The following FBXL17 variants were observed in gnomAD, a reference collection of about 807,000 sequenced individuals.
The protein encoded by FBXL17 is F-box/LRR-repeat protein 17.
Under a neutral mutation model 66.2 loss-of-function variants are expected in FBXL17, and 22 were observed. The observed-to-expected ratio is 0.33, with a 90% CI of 0.24 to 0.47. FBXL17 has a LOEUF of 0.47. FBXL17 is among the 20% of genes least tolerant of loss of function. The pLI, the probability that FBXL17 is intolerant of heterozygous loss-of-function variation, is 1.00. For missense variants in FBXL17, 878 were observed against 948.2 expected (o/e 0.93, Z 0.97); for synonymous variants, 474 against 400.5 (o/e 1.18, Z -2.19).
At chr5:108,159,347 C>T (rs1004227712) in intron 6 of FBXL17, among the ~76,000 whole-genome samples, 2 of 152,170 alleles carry the variant, frequency 1.3e-5, no homozygotes, top group Admixed American at 6.5e-5. Context: ...TGTGATACAA[C>T]CTGCATAGCA....
chr5:108,108,027 C>T (rs940415786), intron 6 of FBXL17, among the ~76,000 whole-genome samples: 3 of 152,050 alleles, frequency 2.0e-5, no homozygotes, highest in African/African-American at 7.2e-5. Flanking sequence ...ATACTGCCCT[C>T]CGTTTTGTTT....
In FBXL17 at chr5:108,216,833, G is replaced by C. The variant is rs146429477; in HGVS notation, c.1614+7288C>G. ...TATACCTAGAGACATGCCCACGGCT[G>C]CACAGATAGAAAAACCTCCAGCCCA... On this transcript the variant is annotated intron_variant, in intron 5 of 8. Transcript: ENST00000542267. Among the ~76,000 whole-genome samples, 170 of 152,218 alleles carry C rather than the reference G, an allele frequency of 1.1e-3. 5 individuals carry two copies. The East Asian group carries it at 0.027, about 24-fold the overall frequency.
intron 6 of FBXL17, among the ~76,000 whole-genome samples, chr5:108,105,546 A>G (rs1347550798): frequency 6.6e-6 from 1 of 152,244 alleles, no homozygotes; most frequent in Non-Finnish European, 1.5e-5. Flanking sequence ...TACATACTCA[A>G]GTTATAAGAA....
At chr5:107,867,931 T>C (rs1173723560) in intron 8 of FBXL17, among the ~76,000 whole-genome samples, 1 of 152,240 alleles carries the variant, frequency 6.6e-6, no homozygotes, top group Non-Finnish European at 1.5e-5. Flanking sequence ...CAAACGCTTC[T>C]CTTCAGCATG....
chr5:108,035,584 C>T (rs1483377693), intron 6 of FBXL17, among the ~76,000 whole-genome samples: 3 of 152,096 alleles, frequency 2.0e-5, no homozygotes, highest in Admixed American at 6.6e-5. Flanking sequence ...TCAGGCTGGT[C>T]TCAAACTCCC....
intron 6 of FBXL17, among the ~76,000 whole-genome samples, chr5:108,165,058 A>G (rs1752364060): frequency 6.6e-6 from 1 of 152,234 alleles, no homozygotes; most frequent in Non-Finnish European, 1.5e-5. Flanking sequence ...GAGACAACAA[A>G]AAGTATACAA....
intron 5 of FBXL17, among the ~76,000 whole-genome samples, chr5:108,197,954 A>G (rs1187352323): frequency 1.3e-5 from 2 of 152,168 alleles, no homozygotes; most frequent in Non-Finnish European, 2.9e-5. Context: ...CAGTTTTTCT[A>G]TCCCGTGATC....
intron 4 of FBXL17, among the ~76,000 whole-genome samples, chr5:108,273,744 C>T (rs111348299): frequency 9.9e-5 from 15 of 152,084 alleles, no homozygotes; most frequent in African/African-American, 3.6e-4. Flanking sequence ...GCAGAAAGGA[C>T]ATTTGAAAAA....
intron 7 of FBXL17, among the ~76,000 whole-genome samples, chr5:107,956,660 A>G (rs1202986915): frequency 6.6e-6 from 1 of 152,186 alleles, no homozygotes; most frequent in Non-Finnish European, 1.5e-5. Flanking sequence ...AATTAGTTCA[A>G]TCCCCACAGT....
At chr5:108,372,610 T>C (rs1451296989) in intron 1 of FBXL17, among the ~76,000 whole-genome samples, 1 of 152,050 alleles carries the variant, frequency 6.6e-6, no homozygotes, top group Non-Finnish European at 1.5e-5. Context: ...CAGAAGGCAG[T>C]GGGATAACAT....
intron 7 of FBXL17, among the ~76,000 whole-genome samples, chr5:107,911,898 G>A (rs779009041): frequency 1.3e-5 from 2 of 151,870 alleles, no homozygotes; most frequent in African/African-American, 4.8e-5. Context: ...AAATAAAACC[G>A]GCCAATAAAT....
intron 6 of FBXL17, among the ~76,000 whole-genome samples, chr5:108,029,550 C>T (rs1754954761): frequency 6.6e-6 from 1 of 152,042 alleles, no homozygotes; most frequent in Admixed American, 6.6e-5. Context: ...TTTGCTGTAA[C>T]ATTTGTAAGA....
rs183995707 is a variant in FBXL17 at position 108,204,989 on chromosome 5, C to T, written c.1615-18742G>A. 1.1e-4 allele frequency among the ~76,000 whole-genome samples: 16 copies of T among 152,088 alleles called. 1 individual carries two copies. The East Asian group carries it at 2.7e-3, about 26-fold the overall frequency. On this transcript the variant is annotated intron_variant, in intron 5 of 8. Coordinates refer to ENST00000542267, the MANE Select transcript of FBXL17 (RefSeq NM_001163315.3). ...ACAGTGGTGTGATCGAAACTTACTG[C>T]AGACTCTAACTCTTGGGCTCAAAAG...
intron 4 of FBXL17, among the ~76,000 whole-genome samples, chr5:108,259,750 T>C (rs1190529028): frequency 6.6e-6 from 1 of 152,058 alleles, no homozygotes; most frequent in Non-Finnish European, 1.5e-5. Context: ...CACATAAGGA[T>C]AGAGAGGGTA....
chr5:107,932,443 A>C (rs879312705), intron 7 of FBXL17, among the ~76,000 whole-genome samples: 3 of 152,192 alleles, frequency 2.0e-5, no homozygotes, highest in Non-Finnish European at 4.4e-5. Context: ...AGGTAGAATT[A>C]CTGTAAAGAA....
intron 4 of FBXL17, among the ~76,000 whole-genome samples, chr5:108,305,483 A>AG (rs1237408812): frequency 1.3e-5 from 2 of 151,982 alleles, no homozygotes; most frequent in Middle Eastern, 3.4e-3. Flanking sequence ...GAAAAGTTGA[A>AG]GGGGGAAAAA....
At chr5:108,235,419 G>A (rs534058187) in intron 4 of FBXL17, among the ~76,000 whole-genome samples, 1 of 152,240 alleles carries the variant, frequency 6.6e-6, no homozygotes, top group South Asian at 2.1e-4. Context: ...ATACATTGTG[G>A]TTATCTCTTT....
intron 7 of FBXL17, among the ~76,000 whole-genome samples, chr5:108,010,445 G>A (rs1368614113): frequency 2.6e-5 from 4 of 152,184 alleles, no homozygotes; most frequent in Non-Finnish European, 5.9e-5. Flanking sequence ...GAATGAGGAT[G>A]CTTTAAAACC....
intron 6 of FBXL17, among the ~76,000 whole-genome samples, chr5:108,087,998 G>A (rs1031912294): frequency 7.2e-5 from 11 of 151,988 alleles, no homozygotes; most frequent in East Asian, 1.9e-4. Flanking sequence ...ATTATTGCCC[G>A]TTTTTATTAA....
Sources: gnomAD v4.1 joint callset for allele counts (sites outside exome capture counted in the v4.1 genomes callset) on GRCh38, gnomAD v4.1.1 for gene constraint, MANE v1.5 for transcripts, NCBI Gene and HGNC (gene_info 2026-07-23, HGNC 2026-07-21) for gene names.